ST6GALNAC3: variants seen among roughly 807,000 people sequenced by gnomAD.
ST6GALNAC3 encodes the protein ST6 N-acetylgalactosaminide alpha-2,6-sialyltransferase 3, also known as alpha-N-acetylgalactosaminide alpha-2,6-sialyltransferase 3.
In ST6GALNAC3, 25 loss-of-function variants were observed where a neutral mutation model predicts 32.7. The ratio of observed to expected loss-of-function variants is 0.76; its 90% CI spans 0.56 to 1.07. The LOEUF (loss-of-function observed/expected upper bound fraction) is 1.07, where lower values mean the gene tolerates loss of function less well. Among genes scored for constraint, ST6GALNAC3 ranks in the 50% least tolerant of loss-of-function variants. ST6GALNAC3 has a pLI of 0.00. For missense variants in ST6GALNAC3, 355 were observed against 382.4 expected (o/e 0.93, Z 0.60); for synonymous variants, 129 against 133.1 (o/e 0.97, Z 0.21).
chr1:76,445,719 G>A (rs756385616), intron 3 of ST6GALNAC3, among the ~76,000 whole-genome samples: 5 of 152,202 alleles, frequency 3.3e-5, no homozygotes, highest in African/African-American at 1.2e-4. Flanking sequence ...TGATCTTCTA[G>A]TATAGGACAC....
At chr1:76,493,007 C>T (rs1272191741) in intron 3 of ST6GALNAC3, among the ~76,000 whole-genome samples, 1 of 151,726 alleles carries the variant, frequency 6.6e-6, no homozygotes, top group Non-Finnish European at 1.5e-5. Flanking sequence ...AGAGGAAGGA[C>T]ATGAAACAAA....
At chr1:76,469,397 T>G (rs1025027435) in intron 3 of ST6GALNAC3, among the ~76,000 whole-genome samples, 3 of 152,046 alleles carry the variant, frequency 2.0e-5, no homozygotes, top group African/African-American at 7.2e-5. Flanking sequence ...ATTGAATGAA[T>G]TAAATTCAGA....
chr1:76,210,407 T>C (rs1015125134), intron 1 of ST6GALNAC3, among the ~76,000 whole-genome samples: 3 of 152,210 alleles, frequency 2.0e-5, no homozygotes, highest in African/African-American at 4.8e-5. Context: ...GTGTTTCCTG[T>C]GGTTGCCTTT....
chr1:76,516,726 TAACA>T lies in ST6GALNAC3; in HGVS notation c.623+104318_623+104321del, dbSNP rs536980019. 6.8e-4 allele frequency among the ~76,000 whole-genome samples: 103 copies of T among 152,130 alleles called. 1 individual carries two copies. The highest frequency in any genetic ancestry group is 1.3e-3 in the Non-Finnish European group (90 of 67,980). On this transcript the variant is annotated intron_variant, in intron 3 of 4. Transcript: ENST00000328299. ...ATTTTTATTCCCTCTGCTAGTGAGT[TAACA>T]AACAAACACAGCATATGTCTCTTAG...
At chr1:76,218,475 G>C (rs1655595143) in intron 1 of ST6GALNAC3, among the ~76,000 whole-genome samples, 1 of 152,208 alleles carries the variant, frequency 6.6e-6, no homozygotes, top group African/African-American at 2.4e-5. Flanking sequence ...AGCTGGTATG[G>C]TGAGGATAAC....
chr1:76,343,034 T>C (rs1324137374), intron 2 of ST6GALNAC3, among the ~76,000 whole-genome samples: 1 of 152,200 alleles, frequency 6.6e-6, no homozygotes, highest in African/African-American at 2.4e-5. Context: ...GTCTGTTTAC[T>C]CTGTTGATCT....
chr1:76,382,452 A>C (rs1651785247), intron 2 of ST6GALNAC3, among the ~76,000 whole-genome samples: 1 of 152,210 alleles, frequency 6.6e-6, no homozygotes, highest in Non-Finnish European at 1.5e-5. Context: ...TCTAAGAGAT[A>C]TGTTTAATAG....
intron 1 of ST6GALNAC3, among the ~76,000 whole-genome samples, chr1:76,234,444 A>G (rs1656535765): frequency 6.6e-6 from 1 of 152,234 alleles, no homozygotes; most frequent in Non-Finnish European, 1.5e-5. Flanking sequence ...GGACTTCAGG[A>G]TCTCTCACAT....
intron 3 of ST6GALNAC3, among the ~76,000 whole-genome samples, chr1:76,623,778 A>G (rs1648791523): frequency 6.6e-6 from 1 of 151,958 alleles, no homozygotes; most frequent in African/African-American, 2.4e-5. Flanking sequence ...TGTGTAATTT[A>G]TAATTTCTCA....
chr1:76,627,671 TC>T, intron 4 of ST6GALNAC3, 112 bp downstream of exon 4: 1 of 879,950 alleles, frequency 1.1e-6, no homozygotes, highest in Non-Finnish European at 1.8e-6. Context: ...AACAATTATT[TC>T]CCAGTGTTCT....
chr1:76,457,248 G>A (rs1231907647), intron 3 of ST6GALNAC3, among the ~76,000 whole-genome samples: 3 of 152,160 alleles, frequency 2.0e-5, no homozygotes, highest in South Asian at 2.1e-4. Flanking sequence ...TGGATAGGAA[G>A]AATCAATATC....
rs546430765 is a variant in ST6GALNAC3 at position 76,457,606 on chromosome 1, C to G, written c.623+45189C>G. ...ATATCTACAACTATCTGATCTTTGA[C>G]AAACCTGAGAAAAACAAGCAATGGG... On this transcript the variant is annotated intron_variant, in intron 3 of 4. Coordinates refer to ENST00000328299, the MANE Select transcript of ST6GALNAC3 (RefSeq NM_152996.4). 1.5e-3 allele frequency among the ~76,000 whole-genome samples: 233 copies of G among 152,014 alleles called. 2 individuals are homozygous for G. Among genetic ancestry groups the G allele is most frequent in the African/African-American group, 5.4e-3 (225 of 41,452 alleles).
chr1:76,130,853 G>C (rs1216567714), intron 1 of ST6GALNAC3, among the ~76,000 whole-genome samples: 1 of 152,210 alleles, frequency 6.6e-6, no homozygotes, highest in Non-Finnish European at 1.5e-5. Flanking sequence ...GTGGTTTTCT[G>C]CTGCTACTGA....
chr1:76,357,130 C>CTTTTTTTTTTTTTTTTTTTTT (rs55786044), intron 2 of ST6GALNAC3, among the ~76,000 whole-genome samples: 19 of 111,176 alleles, frequency 1.7e-4, no homozygotes, highest in Non-Finnish European at 2.2e-4. Flanking sequence ...TTTTCTTTTT[C>CTTTTTTTTTTTTTTTTTTTTT]TTTTTTTTTT....
At position 76,440,312 on chromosome 1, in the gene ST6GALNAC3, C is replaced by A. The variant is rs188684644; in HGVS notation, c.623+27895C>A. On this transcript the variant is annotated intron_variant, in intron 3 of 4. Transcript: ENST00000328299. The stretch of plus-strand genomic sequence containing the variant: ...TATGTGTCAGATCAAGAATTTGTGA[C>A]CCTAATGTTTACATTTTCGAAAAGT... 4.8e-4 allele frequency among the ~76,000 whole-genome samples: 73 copies of A among 152,266 alleles called. No individual in the cohort carries two copies. The East Asian group carries it at 0.013, about 27-fold the overall frequency.
chr1:76,539,445 C>T (rs1458283733), intron 3 of ST6GALNAC3, among the ~76,000 whole-genome samples: 1 of 152,178 alleles, frequency 6.6e-6, no homozygotes, highest in Non-Finnish European at 1.5e-5. Context: ...CCATTCAGGA[C>T]ATAGGCATGG....
At position 76,491,938 on chromosome 1, in the gene ST6GALNAC3, C is replaced by T. The variant is rs1312315816; in HGVS notation, c.623+79521C>T. Among the ~76,000 whole-genome samples, 3 of 152,180 alleles carry T rather than the reference C, an allele frequency of 2.0e-5. No homozygotes were observed. The East Asian group carries it at 5.8e-4, about 29-fold the overall frequency. On this transcript the variant is annotated intron_variant, in intron 3 of 4. Coordinates refer to ENST00000328299, the MANE Select transcript of ST6GALNAC3 (RefSeq NM_152996.4). Reference sequence around the variant, plus strand: ...CTACAGGCTGGCCTGTTGCATAGATCATTTTCGTCTCTGATAACCGTGAAA... The same window carrying T: ...CTACAGGCTGGCCTGTTGCATAGATTATTTTCGTCTCTGATAACCGTGAAA...
intron 3 of ST6GALNAC3, among the ~76,000 whole-genome samples, chr1:76,429,204 T>C (rs1358050258): frequency 1.3e-5 from 2 of 152,168 alleles, no homozygotes; most frequent in African/African-American, 4.8e-5. Context: ...GTTTGATTGA[T>C]TGATGATAAT....
intron 3 of ST6GALNAC3, among the ~76,000 whole-genome samples, chr1:76,440,630 C>T (rs1287272698): frequency 6.6e-6 from 1 of 152,180 alleles, no homozygotes; most frequent in Non-Finnish European, 1.5e-5. Context: ...CACCCAAGAA[C>T]ATTAGAGCCT....
Sources: gnomAD v4.1 joint callset for allele counts (sites outside exome capture counted in the v4.1 genomes callset) on GRCh38, gnomAD v4.1.1 for gene constraint, MANE v1.5 for transcripts, NCBI Gene and HGNC (gene_info 2026-07-23, HGNC 2026-07-21) for gene names.